The following ARAP2 variants were observed in gnomAD, a reference collection of about 807,000 sequenced individuals.
ARAP2 encodes ArfGAP with RhoGAP domain, ankyrin repeat and PH domain 2, also known as arf-GAP with Rho-GAP domain, ANK repeat and PH domain-containing protein 2.
In ARAP2, 148 loss-of-function variants were observed where a neutral mutation model predicts 194.5. That is an observed-to-expected ratio of 0.76 (90% CI 0.67 to 0.87). The LOEUF is 0.87. Among genes scored for constraint, ARAP2 ranks in the 40% least tolerant of loss-of-function variants. ARAP2 has a pLI of 0.00. For missense variants in ARAP2, 2,128 were observed against 1,989.7 expected, an observed-to-expected ratio of 1.07 and a Z score of -1.32; for synonymous variants, 695 against 683.5, an observed-to-expected ratio of 1.02 and a Z score of -0.26.
At chr4:36,231,918 G>A (rs1180152566) in intron 1 of ARAP2, among the ~76,000 whole-genome samples, 1 of 152,150 alleles carries the variant, frequency 6.6e-6, no homozygotes, top group Non-Finnish European at 1.5e-5. Flanking sequence ...CCTCCAAGGA[G>A]ATAATTAAGG....
At chr4:36,021,803 CATGCCA>C (rs1188876581) in intron 5 of ARAP2, among the ~76,000 whole-genome samples, 12 of 152,106 alleles carry the variant, frequency 7.9e-5, no homozygotes, top group Admixed American at 7.9e-4. Flanking sequence ...CATTGGTGAG[CATGCCA>C]ATGAGTTTAT....
intron 6 of ARAP2, among the ~76,000 whole-genome samples, chr4:36,198,709 AG>A (rs1488780553): frequency 6.6e-6 from 1 of 152,304 alleles, no homozygotes; most frequent in Admixed American, 6.5e-5. Flanking sequence ...TCTTGCTCTG[AG>A]ATAGGAGCAG....
intron 5 of ARAP2, among the ~76,000 whole-genome samples, chr4:36,045,294 T>C (rs1447205289): frequency 6.6e-6 from 1 of 152,154 alleles, no homozygotes; most frequent in Non-Finnish European, 1.5e-5. Flanking sequence ...ACAATTTAAA[T>C]ATCCATCAGT....
At chr4:36,231,623 T>C (rs1751480260) in intron 1 of ARAP2, among the ~76,000 whole-genome samples, 1 of 152,130 alleles carries the variant, frequency 6.6e-6, no homozygotes. Flanking sequence ...GAATAAAGTA[T>C]AAAAAGTCAT....
At chr4:36,182,458 T>C (rs1015140925) in intron 8 of ARAP2, among the ~76,000 whole-genome samples, 5 of 151,914 alleles carry the variant, frequency 3.3e-5, no homozygotes, top group Admixed American at 6.6e-5. Context: ...ATTGTGCCAC[T>C]GCACTCCAGC....
intron 3 of ARAP2, among the ~76,000 whole-genome samples, chr4:36,050,602 G>A (rs988887714): frequency 9.2e-5 from 14 of 152,094 alleles, no homozygotes; most frequent in South Asian, 6.2e-4. Flanking sequence ...TTTTATTTAA[G>A]GCAGTATTGA....
At position 36,187,514 on chromosome 4, in the gene ARAP2, C is replaced by T; in HGVS notation, c.1615G>A (p.Gly539Arg). ...LSAISTVRVQ[G>R]DNKFEVVTTQ... is the part of the protein sequence containing the mutation. ...GTAACAACTTCAAATTTGTTGTCTC[C>T]TTGAACTCGTACTGTTGATATAGCA... is the stretch of plus-strand genomic sequence containing the variant. Residue 539 changes from glycine to arginine, a missense_variant, in exon 8 of 33, where the codon GGA (glycine) becomes AGA (arginine). Gly to Arg is a moderately radical substitution (Grantham distance 125). Coordinates refer to ENST00000303965, the MANE Select transcript of ARAP2 (RefSeq NM_015230.4). 2 of 1,559,092 alleles carry T rather than the reference C, an allele frequency of 1.3e-6. No individual in the cohort carries two copies. The highest frequency in any genetic ancestry group is 1.7e-6 in the Non-Finnish European group (2 of 1,150,724).
chr4:36,175,736 G>T (rs975528034), intron 9 of ARAP2, among the ~76,000 whole-genome samples: 1 of 152,112 alleles, frequency 6.6e-6, no homozygotes, highest in Non-Finnish European at 1.5e-5. Context: ...AAGATGGAGA[G>T]GGGTTCAGCC....
At position 36,080,276 on chromosome 4, in the gene ARAP2, G is replaced by T; in HGVS notation, c.4548C>A (p.His1516Gln). The T allele has an allele frequency of 1.2e-6, 2 of 1,612,330 alleles. No homozygotes were observed. Among genetic ancestry groups the T allele is most frequent in the Non-Finnish European group, 1.7e-6 (2 of 1,178,834 alleles). The part of the protein sequence containing the change: ...LTAYSEKHHW[H>Q]LCCDSSRTQT... ...GAGTTCGTGAACTATCACAACACAG[G>T]TGCCTGCAAAACGAGGTTTATAAAC... is the stretch of plus-strand genomic sequence containing the variant. The change falls in exon 31 of 33, where the codon CAC becomes CAA. Residue 1516 changes from histidine to glutamine, a missense_variant. Transcript: ENST00000303965.
chr4:36,090,296 G>A (rs1280188650), intron 28 of ARAP2, among the ~76,000 whole-genome samples: 4 of 152,004 alleles, frequency 2.6e-5, no homozygotes, highest in South Asian at 2.1e-4. Context: ...CCCAGGAATC[G>A]GAGGGATTCA....
intron 8 of ARAP2, 29 bp from the exon 9 acceptor site, chr4:36,178,034 A>G (rs1360815307): frequency 6.4e-7 from 1 of 1,555,756 alleles, no homozygotes; most frequent in African/African-American, 1.4e-5. Flanking sequence ...GAAAATACAT[A>G]AATCCACATA....
At chr4:36,186,081 A>G (rs1740494304) in intron 8 of ARAP2, among the ~76,000 whole-genome samples, 1 of 152,180 alleles carries the variant, frequency 6.6e-6, no homozygotes, top group Admixed American at 6.5e-5. Flanking sequence ...TATTCAGTCA[A>G]TTTCCCATAC....
At chr4:36,149,988 A>G (rs1369936737) in intron 16 of ARAP2, among the ~76,000 whole-genome samples, 2 of 152,204 alleles carry the variant, frequency 1.3e-5, no homozygotes, top group Non-Finnish European at 2.9e-5. Context: ...AAAAAACATG[A>G]TAAGACACTT....
intron 1 of ARAP2, among the ~76,000 whole-genome samples, chr4:36,230,090 A>G (rs1409860588): frequency 6.6e-6 from 1 of 152,208 alleles, no homozygotes; most frequent in Non-Finnish European, 1.5e-5. Flanking sequence ...ATAATAAGCC[A>G]TAACATTTGG....
Position 36,078,926 on chromosome 4 carries a change from C to G in ARAP2, c.4608+1290G>C, listed in dbSNP as rs144551296. 2.5e-3 allele frequency among the ~76,000 whole-genome samples: 383 copies of G among 152,168 alleles called. 4 individuals carry two copies. Among genetic ancestry groups the G allele is most frequent in the African/African-American group, 8.9e-3 (368 of 41,524 alleles). ...CAGTGGCTCATGCCTGTAATCCTAGCACTTTGGGAGGCCAAGGTGGGCGGA... is the reference window on the plus strand; with the variant it reads ...CAGTGGCTCATGCCTGTAATCCTAGGACTTTGGGAGGCCAAGGTGGGCGGA... On this transcript the variant is annotated intron_variant, in intron 31 of 32. Coordinates refer to ENST00000303965, the MANE Select transcript of ARAP2 (RefSeq NM_015230.4).
chr4:36,018,043 T>C (rs1173339897), intron 6 of ARAP2, among the ~76,000 whole-genome samples: 1 of 152,212 alleles, frequency 6.6e-6, no homozygotes, highest in Non-Finnish European at 1.5e-5. Context: ...TTATGACATA[T>C]GAAATGTATA....
At chr4:36,051,679 C>A (rs114949336) in intron 3 of ARAP2, among the ~76,000 whole-genome samples, 3,279 of 152,172 alleles carry the variant, frequency 0.022, 140 homozygotes, top group African/African-American at 0.075. Context: ...TCCTTTCTTG[C>A]ATACTCTTTT....
chr4:36,213,899 T>C (rs528128491), intron 3 of ARAP2, among the ~76,000 whole-genome samples: 1 of 152,220 alleles, frequency 6.6e-6, no homozygotes, highest in Non-Finnish European at 1.5e-5. Flanking sequence ...GAATTCTCAA[T>C]ATTTGCATTT....
intron 5 of ARAP2, among the ~76,000 whole-genome samples, chr4:36,044,461 A>G (rs1216536674): frequency 6.6e-6 from 1 of 152,164 alleles, no homozygotes; most frequent in Non-Finnish European, 1.5e-5. Context: ...TTAAGATGGA[A>G]GCTATTATAA....
Sources: allele counts gnomAD v4.1 joint callset (sites outside exome capture counted in the v4.1 genomes callset), GRCh38; gene constraint gnomAD v4.1.1; transcripts MANE v1.5; gene names NCBI Gene and HGNC (gene_info 2026-07-23, HGNC 2026-07-21).